The following RANBP3 variants were observed in gnomAD, a reference collection of about 807,000 sequenced individuals.
The protein encoded by RANBP3 is RAN binding protein 3, also known as ran-binding protein 3.
Under a neutral mutation model 77.3 loss-of-function variants are expected in RANBP3, and 14 were observed. The ratio of observed to expected loss-of-function variants is 0.18; its 90% CI spans 0.12 to 0.28. The LOEUF (loss-of-function observed/expected upper bound fraction) is 0.28, where lower values mean the gene tolerates loss of function less well. Ranked by LOEUF, RANBP3 falls within the 10% of genes least tolerant of loss-of-function variation. The pLI is 1.00. For synonymous variants in RANBP3, 315 were observed against 312.4 expected (o/e 1.01, Z -0.09); for missense variants, 586 against 752.3 (o/e 0.78, Z 2.59).
chr19:5,950,158 C>A lies in RANBP3; in HGVS notation c.282+1235G>T, dbSNP rs141678278. 3.0e-3 allele frequency among the ~76,000 whole-genome samples: 454 copies of A among 152,302 alleles called. 5 individuals are homozygous for A. The highest frequency in any genetic ancestry group is 0.014 in the South Asian group (67 of 4,826). On this transcript the variant is annotated intron_variant, in intron 3 of 16. Coordinates refer to ENST00000340578, the MANE Select transcript of RANBP3 (RefSeq NM_007322.3). ...AGCCACTCTGCCAACAAAAGAAGGA[C>A]GCAGCCACCTCCTAATTCTTGCTCT...
At chr19:5,926,275 G>A (rs967184749) in intron 9 of RANBP3, among the ~76,000 whole-genome samples, 9 of 152,142 alleles carry the variant, frequency 5.9e-5, no homozygotes, top group African/African-American at 1.7e-4. Flanking sequence ...GGCTGGGCGC[G>A]GTGGCTCGTG....
chr19:5,943,278 G>A lies in RANBP3; in HGVS notation c.283-1443C>T, dbSNP rs567825819. On this transcript the variant is annotated intron_variant, in intron 3 of 16. Transcript: ENST00000340578. ...GCTGCTGGGGCTTAGGGGAGGTGATGCATGTGAAAGTGCTTTGCAAACTGC... is the reference window on the plus strand; with the variant it reads ...GCTGCTGGGGCTTAGGGGAGGTGATACATGTGAAAGTGCTTTGCAAACTGC... Among the ~76,000 whole-genome samples the A allele has an allele frequency of 3.9e-5, 6 of 152,340 alleles. No homozygotes were observed. In the South Asian group the frequency reaches 1.0e-3, roughly 26 times the overall value.
At chr19:5,945,974 C>G (rs2058199207) in intron 3 of RANBP3, among the ~76,000 whole-genome samples, 1 of 152,042 alleles carries the variant, frequency 6.6e-6, no homozygotes, top group African/African-American at 2.4e-5. Flanking sequence ...TCCCTCCTGC[C>G]TCGGTGGCCT....
Position 5,921,927 on chromosome 19 carries a change from C to T in RANBP3, c.1210-606G>A, listed in dbSNP as rs555887453. Among the ~76,000 whole-genome samples the T allele has an allele frequency of 5.9e-5, 9 of 152,232 alleles. No homozygotes were observed. Among genetic ancestry groups the T allele is most frequent in the South Asian group, 2.1e-4 (1 of 4,832 alleles). On this transcript the variant is annotated intron_variant, in intron 13 of 16. Transcript: ENST00000340578. This position sits in a 1 kb window ranked among gnomAD's most constrained non-coding sequence, Gnocchi z 5.3. ...CAACGTGGATGAACCTCTGGCTCAG[C>T]GAGAGAAGCCAGACACGAAAGGCCA...
intron 5 of RANBP3, chr19:5,935,902 C>A: frequency 2.3e-6 from 1 of 437,922 alleles, no homozygotes; most frequent in South Asian, 1.6e-5. Context: ...CTGCCACATA[C>A]CCAAAGGGTG....
intron 3 of RANBP3, among the ~76,000 whole-genome samples, chr19:5,946,466 G>A (rs546478800): frequency 2.0e-5 from 3 of 152,300 alleles, no homozygotes; most frequent in South Asian, 2.1e-4. Context: ...AAAGTGGGGG[G>A]CCTCTTGGTC....
At chr19:5,918,226 G>GA (rs2057769958) in intron 15 of RANBP3, among the ~76,000 whole-genome samples, 1 of 152,208 alleles carries the variant, frequency 6.6e-6, no homozygotes, top group African/African-American at 2.4e-5. Context: ...GGAGAGAGGT[G>GA]ACCGCCCCAC....
At chr19:5,918,005 C>T (rs775801186) in intron 15 of RANBP3, 25 bp from the exon 16 acceptor site, 11 of 1,557,524 alleles carry the variant, frequency 7.1e-6, no homozygotes, top group African/African-American at 6.8e-5. Context: ...GGGTATGAGA[C>T]CCCCGGACCC....
At chr19:5,953,425 C>T (rs536863053) in intron 2 of RANBP3, among the ~76,000 whole-genome samples, 4 of 152,298 alleles carry the variant, frequency 2.6e-5, no homozygotes, top group African/African-American at 4.8e-5. Flanking sequence ...ATCACACCAA[C>T]GGTAAGCCTC....
Position 5,921,401 on chromosome 19 carries a change from C to T in RANBP3, c.1210-80G>A. 1 of 1,557,246 alleles carries T rather than the reference C, an allele frequency of 6.4e-7. No individual in the cohort carries two copies. The highest frequency in any genetic ancestry group is 8.7e-7 in the Non-Finnish European group (1 of 1,147,664). On this transcript the variant is annotated intron_variant, in intron 13 of 16. Transcript: ENST00000340578. The surrounding 1 kb of genome is among the most constrained non-coding windows in gnomAD (Gnocchi z 5.3). ...CCACACCCTGAGAGTCGCCCTTTAG[C>T]CTGTGGGGACTGCCAGGGCCAGCCA...
chr19:5,941,910 C>CA, intron 3 of RANBP3, 75 bp from the exon 4 acceptor site: 3 of 1,544,704 alleles, frequency 1.9e-6, no homozygotes, highest in Non-Finnish European at 2.7e-6. Context: ...GGGGCCGTAA[C>CA]AAATATCCCA....
intron 9 of RANBP3, 35 bp from the exon 10 acceptor site, chr19:5,925,772 T>TGG (rs756115756): frequency 8.3e-7 from 1 of 1,203,078 alleles, no homozygotes; most frequent in Non-Finnish European, 1.2e-6. Context: ...TAATCGGGGG[T>TGG]GGGGGGGTGC....
At chr19:5,975,801 G>T (rs1055603692) in intron 1 of RANBP3, among the ~76,000 whole-genome samples, 2 of 151,582 alleles carry the variant, frequency 1.3e-5, no homozygotes, top group Non-Finnish European at 2.9e-5. Flanking sequence ...GTGAGCCATG[G>T]GGGTATCTGG....
intron 9 of RANBP3, among the ~76,000 whole-genome samples, chr19:5,926,841 G>A (rs1383471408): frequency 2.6e-5 from 4 of 152,136 alleles, no homozygotes; most frequent in South Asian, 2.1e-4. Flanking sequence ...CACGTTTCTC[G>A]ACTTGGGCTT....
intron 8 of RANBP3, among the ~76,000 whole-genome samples, chr19:5,930,280 G>A (rs1054956861): frequency 2.6e-5 from 4 of 152,250 alleles, no homozygotes; most frequent in Non-Finnish European, 5.9e-5. Context: ...AGGGCGTGAG[G>A]ATGTTTTCAA....
At chr19:5,929,496 C>CT (rs1213548812) in intron 8 of RANBP3, among the ~76,000 whole-genome samples, 1 of 152,260 alleles carries the variant, frequency 6.6e-6, no homozygotes, top group Non-Finnish European at 1.5e-5. Flanking sequence ...CAGGGTATGT[C>CT]TATGACCTGG....
chr19:5,939,173 G>C (rs2058102511), intron 5 of RANBP3, among the ~76,000 whole-genome samples: 1 of 152,144 alleles, frequency 6.6e-6, no homozygotes, highest in Non-Finnish European at 1.5e-5. Flanking sequence ...CAAAAAGAGT[G>C]AAAGTCTGTC....
chr19:5,962,893 C>T (rs1202893648), intron 1 of RANBP3, among the ~76,000 whole-genome samples: 3 of 152,140 alleles, frequency 2.0e-5, no homozygotes, highest in South Asian at 2.1e-4. Context: ...TCCCTATCAC[C>T]AGGCTGATTC....
chr19:5,932,647 TAG>T, intron 6 of RANBP3, 103 bp from the exon 7 acceptor site: 1 of 880,232 alleles, frequency 1.1e-6, no homozygotes, highest in South Asian at 1.5e-5. Flanking sequence ...CCTTGCAGGC[TAG>T]ACTTTGCAGG....
Sources: allele counts gnomAD v4.1 joint callset (sites outside exome capture counted in the v4.1 genomes callset), GRCh38; gene constraint gnomAD v4.1.1; non-coding constraint Gnocchi (gnomAD v3.1); transcripts MANE v1.5; gene names NCBI Gene and HGNC (gene_info 2026-07-23, HGNC 2026-07-21).